Variants in MECOM observed in about 807,000 individuals in gnomAD.
The protein encoded by MECOM is MDS1 and EVI1 complex locus, also known as histone-lysine N-methyltransferase MECOM.
MECOM carries 13 observed loss-of-function variants against 116.3 expected under a neutral mutation model. The observed-to-expected ratio is 0.11, with a 90% CI of 0.07 to 0.18. The LOEUF is 0.18. Among genes scored for constraint, MECOM ranks in the 10% least tolerant of loss-of-function variants. The pLI is 1.00. For synonymous variants in MECOM, 528 were observed against 535.2 expected (o/e 0.99, Z 0.19); for missense variants, 1,299 against 1,509.0 (o/e 0.86, Z 2.31).
intron 2 of MECOM, among the ~76,000 whole-genome samples, chr3:169,232,646 T>A (rs966312586): frequency 3.2e-5 from 1 of 31,592 alleles, no homozygotes; most frequent in Non-Finnish European, 8.5e-5. Context: ...ATTTGTAAAA[T>A]ATATATATAT....
intron 2 of MECOM, among the ~76,000 whole-genome samples, chr3:169,259,160 A>G (rs553034643): frequency 6.6e-6 from 1 of 152,322 alleles, no homozygotes; most frequent in South Asian, 2.1e-4. Context: ...GGTGGCCAAG[A>G]CAGAAGCCAG....
chr3:169,218,584 A>C (rs978545014), intron 2 of MECOM, among the ~76,000 whole-genome samples: 1 of 152,200 alleles, frequency 6.6e-6, no homozygotes, highest in Middle Eastern at 3.2e-3. Flanking sequence ...AGTGTCTCTC[A>C]GAAAAGCCTG....
chr3:169,386,481 G>A (rs984853108), intron 1 of MECOM, among the ~76,000 whole-genome samples: 3 of 152,068 alleles, frequency 2.0e-5, no homozygotes, highest in Admixed American at 6.5e-5. Context: ...TATCAAAATC[G>A]TAGCCATAAT....
chr3:169,477,173 A>G (rs1750628912), intron 1 of MECOM: 1 of 130,646 alleles, frequency 7.7e-6, no homozygotes, highest in African/African-American at 2.9e-5. Flanking sequence ...TTTCATTTGC[A>G]ATAGGAAGTC....
At chr3:169,253,486 G>A (rs2149589382) in intron 2 of MECOM, among the ~76,000 whole-genome samples, 1 of 151,068 alleles carries the variant, frequency 6.6e-6, no homozygotes, top group South Asian at 2.1e-4. Flanking sequence ...TGACCTTAGA[G>A]TTATATATTT....
intron 1 of MECOM, among the ~76,000 whole-genome samples, chr3:169,521,784 C>T (rs1757377066): frequency 6.6e-6 from 1 of 152,178 alleles, no homozygotes; most frequent in Admixed American, 6.5e-5. Flanking sequence ...ATGCAGTCGG[C>T]TATTCATATC....
chr3:169,640,033 C>A (rs1041195057), intron 1 of MECOM, among the ~76,000 whole-genome samples: 9 of 152,246 alleles, frequency 5.9e-5, no homozygotes, highest in Middle Eastern at 3.4e-3. Flanking sequence ...CACAGTGAAC[C>A]ACATGGTGAA....
chr3:169,414,151 A>G (rs1292740598), intron 1 of MECOM, among the ~76,000 whole-genome samples: 2 of 152,168 alleles, frequency 1.3e-5, no homozygotes, highest in African/African-American at 2.4e-5. Flanking sequence ...CGGCTGGTAT[A>G]TGGTGGGTGC....
At chr3:169,265,932 T>C (rs1456577145) in intron 2 of MECOM, among the ~76,000 whole-genome samples, 1 of 152,204 alleles carries the variant, frequency 6.6e-6, no homozygotes, top group Admixed American at 6.5e-5. Flanking sequence ...GTAACATTAA[T>C]GGATTTCCAG....
intron 1 of MECOM, among the ~76,000 whole-genome samples, chr3:169,415,931 A>G (rs893986888): frequency 6.6e-6 from 1 of 152,082 alleles, no homozygotes; most frequent in Admixed American, 6.6e-5. Context: ...TAATGGGAGA[A>G]TTTAATACCC....
chr3:169,310,768 T>G (rs1718600870), intron 2 of MECOM, among the ~76,000 whole-genome samples: 1 of 152,240 alleles, frequency 6.6e-6, no homozygotes, highest in Admixed American at 6.5e-5. Context: ...TGTTCTCCTT[T>G]TAAATCTTAA....
chr3:169,251,088 T>C (rs1429200599), intron 2 of MECOM, among the ~76,000 whole-genome samples: 3 of 152,218 alleles, frequency 2.0e-5, no homozygotes, highest in African/African-American at 7.2e-5. Flanking sequence ...ACAGTTGCTT[T>C]CAAGCCTCAG....
At position 169,087,865 on chromosome 3, in the gene MECOM, C is replaced by A. The variant is rs571694414; in HGVS notation, c.3585+1135G>T. Among the ~76,000 whole-genome samples the A allele has an allele frequency of 1.3e-4, 20 of 152,298 alleles. 1 individual carries two copies. In the South Asian group the frequency reaches 4.1e-3, roughly 32 times the overall value. ...GTACCTATAGTCTTTAAGTGATGTTCTTAAGTTCATGGAGGTAGGCTCTAG... is the reference window on the plus strand; with the variant it reads ...GTACCTATAGTCTTTAAGTGATGTTATTAAGTTCATGGAGGTAGGCTCTAG... On this transcript the variant is annotated intron_variant, in intron 16 of 16. Coordinates refer to ENST00000651503, the MANE Select transcript of MECOM (RefSeq NM_004991.4).
intron 2 of MECOM, among the ~76,000 whole-genome samples, chr3:169,288,312 C>A (rs1176824124): frequency 6.6e-6 from 1 of 151,926 alleles, no homozygotes; most frequent in Non-Finnish European, 1.5e-5. Context: ...AAGTACAAAT[C>A]TTAGAGAAGG....
intron 1 of MECOM, among the ~76,000 whole-genome samples, chr3:169,404,788 C>T (rs1736422153): frequency 6.6e-6 from 1 of 152,208 alleles, no homozygotes; most frequent in Non-Finnish European, 1.5e-5. Context: ...GATCGCAGCA[C>T]CACCAAAACC....
intron 1 of MECOM, among the ~76,000 whole-genome samples, chr3:169,492,896 G>A (rs766055209): frequency 6.6e-6 from 1 of 151,094 alleles, no homozygotes; most frequent in Non-Finnish European, 1.5e-5. Flanking sequence ...GGAGGCGGAG[G>A]TTGCAATGAG....
At chr3:169,380,464 ATAAAT>A (rs1732212447) in intron 2 of MECOM, among the ~76,000 whole-genome samples, 1 of 152,190 alleles carries the variant, frequency 6.6e-6, no homozygotes, top group African/African-American at 2.4e-5. Flanking sequence ...CTTTATTGAA[ATAAAT>A]TTAATTTAGA....
chr3:169,387,522 G>C (rs1733553121), intron 1 of MECOM, among the ~76,000 whole-genome samples: 1 of 152,158 alleles, frequency 6.6e-6, no homozygotes, highest in South Asian at 2.1e-4. Context: ...TATCATTAGT[G>C]ATAGTAACAT....
chr3:169,322,527 T>G (rs780571646), intron 2 of MECOM, among the ~76,000 whole-genome samples: 16 of 152,112 alleles, frequency 1.1e-4, no homozygotes, highest in Non-Finnish European at 1.6e-4. Flanking sequence ...TGACCAAGAC[T>G]TATCAGGATG....
Sources: allele counts gnomAD v4.1 joint callset (sites outside exome capture counted in the v4.1 genomes callset), GRCh38; gene constraint gnomAD v4.1.1; transcripts MANE v1.5; gene names NCBI Gene and HGNC (gene_info 2026-07-23, HGNC 2026-07-21).